ZNF177: variants seen among roughly 807,000 people sequenced by gnomAD.
The protein encoded by ZNF177 is zinc finger protein 177.
A neutral mutation model predicts 19.4 loss-of-function variants in ZNF177; 17 were observed. That is an observed-to-expected ratio of 0.87 (90% confidence interval 0.60 to 1.31). The LOEUF (loss-of-function observed/expected upper bound fraction) is 1.31, where lower values mean the gene tolerates loss of function less well. Ranked by LOEUF, ZNF177 falls within the 40% of genes most tolerant of loss-of-function variation. ZNF177 has a pLI of 0.00. For missense variants in ZNF177, 633 were observed against 561.8 expected, an observed-to-expected ratio of 1.13 and a Z score of -1.28; for synonymous variants, 220 against 188.7, an observed-to-expected ratio of 1.17 and a Z score of -1.36.
At chr19:9,381,272 G>A (rs770916428) in exon 6 of ZNF177, 10 of 1,614,050 alleles carry the variant, frequency 6.2e-6, no homozygotes, top group Middle Eastern at 1.6e-4. Context: ...CCTTATGAGT[G>A]TGATCACTGT....
intron 2 of ZNF177, 26 bp downstream of exon 4, chr19:9,378,370 A>G (rs769278625): frequency 3.1e-6 from 5 of 1,613,202 alleles, no homozygotes; most frequent in Non-Finnish European, 4.2e-6. Context: ...CTCTATTTCC[A>G]AAAGCACACT....
intron 2 of ZNF177, among the ~76,000 whole-genome samples, chr19:9,365,658 AC>A (rs2067968676): frequency 6.6e-6 from 1 of 152,184 alleles, no homozygotes; most frequent in African/African-American, 2.4e-5. Context: ...GCATGATTAA[AC>A]ACCAAGGGAA....
chr19:9,366,986 G>A lies in ZNF177; in HGVS notation c.-305+2038G>A, dbSNP rs192283369. On this transcript the variant is annotated intron_variant, in intron 2 of 8. Coordinates refer to the ZNF177 transcript ENST00000343499. ...TTGACCTTTTTATCTTTAGAAAAATGTACATTCAGATCATTTGCCCATCTT... is the reference window on the plus strand; with the variant it reads ...TTGACCTTTTTATCTTTAGAAAAATATACATTCAGATCATTTGCCCATCTT... Among the ~76,000 whole-genome samples, 59 of 152,312 alleles carry A rather than the reference G, an allele frequency of 3.9e-4. No homozygotes were observed. In the East Asian group the frequency reaches 0.011, roughly 28 times the overall value.
At chr19:9,363,831 C>T (rs2067940167) in intron 1 of ZNF177, among the ~76,000 whole-genome samples, 1 of 152,182 alleles carries the variant, frequency 6.6e-6, no homozygotes, top group Admixed American at 6.5e-5. Context: ...ACGACCCACT[C>T]CTGCCCTACA....
intron 2 of ZNF177, among the ~76,000 whole-genome samples, chr19:9,365,318 GAA>G (rs560848561): frequency 6.6e-6 from 1 of 151,548 alleles, no homozygotes; most frequent in African/African-American, 2.4e-5. Context: ...GGCAAGCCCA[GAA>G]AAAAGAGAGA....
chr19:9,379,296 T>A, intron 3 of ZNF177: 1 of 1,090,832 alleles, frequency 9.2e-7, no homozygotes, highest in Non-Finnish European at 1.3e-6. Flanking sequence ...TAATTTGCAA[T>A]CTGTGTCTCA....
At chr19:9,378,719 C>A in intron 2 of ZNF177, 1 of 601,116 alleles carries the variant, frequency 1.7e-6, no homozygotes, top group Non-Finnish European at 2.6e-6. Flanking sequence ...AAAGATCAAG[C>A]CAACCATATT....
chr19:9,371,660 A>C (rs1322332864), upstream of ZNF177: 1 of 152,206 alleles, frequency 6.6e-6, no homozygotes, highest in Non-Finnish European at 1.5e-5. Flanking sequence ...GAAAAAATCA[A>C]ATACCAAGGA....
rs1262253424 is a variant in ZNF177 at position 9,380,834 on chromosome 19, G to C, written c.503G>C (p.Ser168Thr). ...CCCTCAACTCTTAGGAGTCATGTGAGCATTCACATTGGAGAGAAAACTCTT... is the reference window on the plus strand; with the variant it reads ...CCCTCAACTCTTAGGAGTCATGTGACCATTCACATTGGAGAGAAAACTCTT... Residue 168 changes from serine (S) to threonine (T), a missense_variant, in exon 6 of 6, where the codon AGC becomes ACC. By Grantham distance (58) the Ser-to-Thr change is moderately conservative. Coordinates refer to ENST00000589262, the Ensembl canonical transcript of ZNF177. The C allele has an allele frequency of 4.6e-6, 7 of 1,536,108 alleles. No individual in the cohort carries two copies. The South Asian group carries it at 8.3e-5, about 18-fold the overall frequency.
chr19:9,365,739 C>G (rs1428064099), intron 2 of ZNF177, among the ~76,000 whole-genome samples: 2 of 151,244 alleles, frequency 1.3e-5, no homozygotes, highest in African/African-American at 2.4e-5. Context: ...CTCCTGTCTA[C>G]GAGAAAAGGA....
rs80257388 is a variant in ZNF177 at position 9,378,271 on chromosome 19, A to G, written c.-41A>G. On this transcript the variant is annotated 5_prime_UTR_variant, in exon 2 of 6. The change abolishes the stop of an existing upstream ORF in the 5' untranslated region. Coordinates refer to ENST00000589262, the Ensembl canonical transcript of ZNF177. ...TGTTCTCCTCTAGCTCTGCCTGCTT[A>G]GGACTCTGCCCAGCCAGGAAGGAAA... The G allele has an allele frequency of 9.7e-3, 15,624 of 1,612,692 alleles. 99 individuals carry two copies. The highest frequency in any genetic ancestry group is 0.029 in the African/African-American group (2,161 of 74,976).
In ZNF177 at chr19:9,363,968, A is replaced by G. The variant is rs569031486; in HGVS notation, c.-392+884A>G. 1.1e-4 allele frequency among the ~76,000 whole-genome samples: 16 copies of G among 152,306 alleles called. No homozygotes were observed. In the South Asian group the frequency reaches 3.3e-3, roughly 32 times the overall value. ...GTTTGCTATGTGTTTTTGATAGATT[A>G]AAGACATTCCCTTCTGTAACAGCTT... On this transcript the variant is annotated intron_variant, in intron 1 of 8. Coordinates refer to the ZNF177 transcript ENST00000343499.
At chr19:9,381,916 T>TTATAAATGTTATAGC in exon 6 of ZNF177, 1 of 1,242,050 alleles carries the variant, frequency 8.1e-7, no homozygotes, top group African/African-American at 1.5e-5. Flanking sequence ...GGGACAAACC[T>TTATAAATGTTATAGC]TATAAATGTT....
chr19:9,380,960 A>G, exon 6 of ZNF177: 1 of 1,539,738 alleles, frequency 6.5e-7, no homozygotes, highest in Non-Finnish European at 8.7e-7. Context: ...GAGCAATGTG[A>G]TATGTCCTTC....
At chr19:9,378,620 T>C (rs2068144747) in intron 2 of ZNF177, 1 of 585,344 alleles carries the variant, frequency 1.7e-6, no homozygotes, top group Non-Finnish European at 2.9e-6. Context: ...TTATTTATCA[T>C]TTCTCAAGTA....
At chr19:9,366,375 G>C (rs1004170071) in intron 2 of ZNF177, among the ~76,000 whole-genome samples, 3 of 152,078 alleles carry the variant, frequency 2.0e-5, no homozygotes, top group Non-Finnish European at 4.4e-5. Context: ...TTCCACCTTA[G>C]CCTCCCGAGT....
chr19:9,363,169 C>CT (rs1226599369), intron 1 of ZNF177, 85 bp downstream of exon 1: 6 of 152,380 alleles, frequency 3.9e-5, no homozygotes, highest in African/African-American at 1.2e-4. Context: ...CAGACCTTGC[C>CT]TGCAGCTTCC....
In ZNF177 at chr19:9,380,942, AG is replaced by A; in HGVS notation, c.613del (p.Glu205SerfsTer99). 6.5e-7 allele frequency: 1 copy of A among 1,536,256 alleles called. No individual in the cohort carries two copies. The highest frequency in any genetic ancestry group is 8.7e-7 in the Non-Finnish European group (1 of 1,146,408). ...AGAACTCCCACAGGACAGAAGTTTC[AG>A]GAGTATGAGCAATGTGATATGTCCT... On this transcript the variant is annotated frameshift_variant, in exon 6 of 6. Transcript: ENST00000589262. LOFTEE classifies it low-confidence loss of function (END_TRUNC).
At chr19:9,379,135 T>C in intron 3 of ZNF177, 47 bp downstream of exon 5, 1 of 1,553,610 alleles carries the variant, frequency 6.4e-7, no homozygotes. Context: ...CAAATAGTTC[T>C]TAAGCACATA....
Sources: gnomAD v4.1 joint callset for allele counts (sites outside exome capture counted in the v4.1 genomes callset) on GRCh38, gnomAD v4.1.1 for gene constraint, MANE v1.5 for transcripts, NCBI Gene and HGNC (gene_info 2026-07-23, HGNC 2026-07-21) for gene names.